SFXN5: variants seen among roughly 807,000 people sequenced by gnomAD.
The protein encoded by SFXN5 is sideroflexin 5, also known as sideroflexin-5.
A neutral mutation model predicts 50.2 loss-of-function variants in SFXN5; 43 were observed. The ratio of observed to expected loss-of-function variants is 0.86; its 90% CI spans 0.67 to 1.11. SFXN5 has a LOEUF of 1.11. SFXN5 is among the 50% of genes least tolerant of loss of function. SFXN5 has a pLI of 0.00. For missense variants in SFXN5, 463 were observed against 454.1 expected, an observed-to-expected ratio of 1.02 and a Z score of -0.18; for synonymous variants, 203 against 185.8, an observed-to-expected ratio of 1.09 and a Z score of -0.75.
intron 9 of SFXN5, among the ~76,000 whole-genome samples, chr2:72,988,560 T>G (rs563657224): frequency 1.3e-5 from 2 of 151,884 alleles, no homozygotes; most frequent in Non-Finnish European, 2.9e-5. Context: ...CCCAGGTAAC[T>G]GGCCCATGAG....
At chr2:73,054,184 G>C (rs1681780650) in intron 2 of SFXN5, among the ~76,000 whole-genome samples, 1 of 152,156 alleles carries the variant, frequency 6.6e-6, no homozygotes, top group Admixed American at 6.5e-5. Context: ...AAGGCCAGCA[G>C]GTAGTCCTGG....
At chr2:72,971,720 G>A (rs1670026671) in intron 10 of SFXN5, 35 bp from the exon 11 acceptor site, 1 of 1,537,128 alleles carries the variant, frequency 6.5e-7, no homozygotes, top group African/African-American at 1.4e-5. Context: ...GCAGGATGAG[G>A]AGGAAGATGG....
chr2:73,027,842 T>A (rs1677776325), intron 3 of SFXN5, among the ~76,000 whole-genome samples: 1 of 152,022 alleles, frequency 6.6e-6, no homozygotes, highest in African/African-American at 2.4e-5. Context: ...TGTGTGCTTT[T>A]GTAGAAACGT....
Position 73,071,587 on chromosome 2 carries a change from C to T in SFXN5, c.102+17G>A, listed in dbSNP as rs1053722688. Reference sequence around the variant, plus strand: ...CTTTGCCACCCGCCGGCCCGCAGACCACAGCCCGGTCCTCACCTGCTGGAA... The same window carrying T: ...CTTTGCCACCCGCCGGCCCGCAGACTACAGCCCGGTCCTCACCTGCTGGAA... On this transcript the variant is annotated intron_variant, in intron 1 of 13. Coordinates refer to ENST00000272433, the MANE Select transcript of SFXN5 (RefSeq NM_144579.3). 5.6e-6 allele frequency: 9 copies of T among 1,611,556 alleles called. No homozygotes were observed. In the Admixed American group the frequency reaches 1.3e-4, roughly 24 times the overall value.
chr2:72,954,337 C>T (rs1487156849), intron 13 of SFXN5, among the ~76,000 whole-genome samples: 1 of 152,046 alleles, frequency 6.6e-6, no homozygotes, highest in South Asian at 2.1e-4. Context: ...AGGTGCTTGG[C>T]AAAAGCTAGA....
intron 10 of SFXN5, among the ~76,000 whole-genome samples, chr2:72,987,797 T>TTATGC (rs1175118593): frequency 6.6e-6 from 1 of 152,132 alleles, no homozygotes; most frequent in Non-Finnish European, 1.5e-5. Flanking sequence ...AAAATATGAA[T>TTATGC]TAGTGTTGAG....
chr2:73,027,475 A>C (rs1677717692), intron 3 of SFXN5, among the ~76,000 whole-genome samples: 1 of 152,172 alleles, frequency 6.6e-6, no homozygotes, highest in Admixed American at 6.6e-5. Flanking sequence ...TTTATTTTGA[A>C]GAGAGAGCAT....
intron 12 of SFXN5, among the ~76,000 whole-genome samples, chr2:72,965,585 C>T (rs1674294691): frequency 6.6e-6 from 1 of 152,122 alleles, no homozygotes; most frequent in South Asian, 2.1e-4. Flanking sequence ...TAGACACTGC[C>T]GTGGGGTCGG....
At chr2:73,057,961 C>G (rs1382803377) in intron 2 of SFXN5, 1 of 152,178 alleles carries the variant, frequency 6.6e-6, no homozygotes, top group Non-Finnish European at 1.5e-5. Context: ...ATTACCCAGT[C>G]TCGGGAATTT....
chr2:72,962,318 G>A (rs1407661885), intron 12 of SFXN5, among the ~76,000 whole-genome samples: 2 of 152,202 alleles, frequency 1.3e-5, no homozygotes, highest in Non-Finnish European at 2.9e-5. Context: ...AGGCAGGTAA[G>A]GGGCCCTCCT....
intron 10 of SFXN5, among the ~76,000 whole-genome samples, chr2:72,983,970 C>T (rs981530381): frequency 1.3e-5 from 2 of 152,222 alleles, no homozygotes; most frequent in Admixed American, 6.5e-5. Context: ...GCTTCCCAAA[C>T]CATTAACTTC....
intron 11 of SFXN5, among the ~76,000 whole-genome samples, chr2:72,969,004 C>T (rs181411463): frequency 6.8e-4 from 104 of 152,164 alleles, no homozygotes; most frequent in Admixed American, 2.4e-3. Context: ...GATGGGGTTT[C>T]GCCATGTTGG....
At chr2:72,951,367 C>T (rs914178358) in intron 13 of SFXN5, among the ~76,000 whole-genome samples, 30 of 152,324 alleles carry the variant, frequency 2.0e-4, no homozygotes, top group African/African-American at 5.8e-4. Context: ...CCCAGCCTCC[C>T]GGGCACCCTA....
At chr2:72,952,435 G>A (rs1368754561) in intron 13 of SFXN5, among the ~76,000 whole-genome samples, 1 of 152,122 alleles carries the variant, frequency 6.6e-6, no homozygotes, top group African/African-American at 2.4e-5. Context: ...ACCCCACTGT[G>A]AGCCGCTCCA....
chr2:72,966,432 C>T (rs374378667), intron 12 of SFXN5, among the ~76,000 whole-genome samples: 14 of 152,280 alleles, frequency 9.2e-5, no homozygotes, highest in South Asian at 6.2e-4. Context: ...CCTCAGTTCA[C>T]GAAGGGGCTA....
chr2:73,012,988 C>T (rs1675724136), intron 6 of SFXN5, among the ~76,000 whole-genome samples: 2 of 152,038 alleles, frequency 1.3e-5, no homozygotes, highest in Admixed American at 6.6e-5. Flanking sequence ...GGATGCTCCC[C>T]TTCCAAACTA....
At chr2:73,021,294 C>A (rs1676857113) in intron 5 of SFXN5, among the ~76,000 whole-genome samples, 1 of 152,060 alleles carries the variant, frequency 6.6e-6, no homozygotes, top group African/African-American at 2.4e-5. Context: ...ACCAGCCTGG[C>A]CAACATGATG....
chr2:73,003,210 T>G (rs1010344786), intron 6 of SFXN5, among the ~76,000 whole-genome samples: 1 of 152,138 alleles, frequency 6.6e-6, no homozygotes, highest in Non-Finnish European at 1.5e-5. Flanking sequence ...CCTGACTGCC[T>G]TCTACCACCG....
At chr2:73,008,679 G>A (rs2105753433) in intron 6 of SFXN5, among the ~76,000 whole-genome samples, 1 of 152,312 alleles carries the variant, frequency 6.6e-6, no homozygotes, top group South Asian at 2.1e-4. Flanking sequence ...GTTTTTTCTG[G>A]AAAGATACCT....
Sources: gnomAD v4.1 joint callset for allele counts (sites outside exome capture counted in the v4.1 genomes callset) on GRCh38, gnomAD v4.1.1 for gene constraint, MANE v1.5 for transcripts, NCBI Gene and HGNC (gene_info 2026-07-23, HGNC 2026-07-21) for gene names.